MARCHF4: variants seen among roughly 807,000 people sequenced by gnomAD.
MARCHF4 encodes membrane associated ring-CH-type finger 4.
Under a neutral mutation model 43.9 loss-of-function variants are expected in MARCHF4, and 14 were observed. That is an observed-to-expected ratio of 0.32 (90% CI 0.21 to 0.50). The LOEUF is 0.50. Ranked by LOEUF, MARCHF4 falls within the 20% of genes least tolerant of loss-of-function variation. The pLI, the probability that MARCHF4 is intolerant of heterozygous loss-of-function variation, is 0.98. For missense variants in MARCHF4, 468 were observed against 536.7 expected (o/e 0.87, Z 1.27); for synonymous variants, 226 against 213.3 (o/e 1.06, Z -0.52).
At chr2:216,314,861 A>G (rs1691748677) in intron 1 of MARCHF4, among the ~76,000 whole-genome samples, 1 of 152,172 alleles carries the variant, frequency 6.6e-6, no homozygotes, top group African/African-American at 2.4e-5. Flanking sequence ...ACAGAGCTAG[A>G]AAGAAAACAC....
Position 216,258,622 on chromosome 2 carries a change from A to G in MARCHF4, c.*690T>C, listed in dbSNP as rs1164444672. On this transcript the variant is annotated 3_prime_UTR_variant, in exon 4 of 4. Coordinates refer to ENST00000273067, the MANE Select transcript of MARCHF4 (RefSeq NM_020814.3). ...AGAAGGACACCCTTTTCCAAACCTA[A>G]GCCCTCTTTTAGCCCACCTGAAATC... 2 of 152,236 alleles carry G rather than the reference A, an allele frequency of 1.3e-5. No individual in the cohort carries two copies. The highest frequency in any genetic ancestry group is 4.8e-5 in the African/African-American group (2 of 41,268). The allele number at this position is 152,236 out of a possible 1,614,324, so 9.4% of individuals were successfully genotyped here. A position where few individuals can be genotyped will look rare whatever the true frequency, so the allele number is the denominator to read the frequency against.
chr2:216,357,969 C>T (rs985550464), intron 1 of MARCHF4, among the ~76,000 whole-genome samples: 2 of 152,174 alleles, frequency 1.3e-5, no homozygotes, highest in Admixed American at 6.5e-5. Flanking sequence ...CATACACAGT[C>T]CAAGGCAGAA....
chr2:216,361,290 C>G (rs907878151), intron 1 of MARCHF4, among the ~76,000 whole-genome samples: 1 of 152,066 alleles, frequency 6.6e-6, no homozygotes, highest in Admixed American at 6.6e-5. Context: ...TAAGAGCAAA[C>G]TGAAAAGGGA....
chr2:216,325,285 A>G (rs1691970363), intron 1 of MARCHF4, among the ~76,000 whole-genome samples: 1 of 152,212 alleles, frequency 6.6e-6, no homozygotes, highest in South Asian at 2.1e-4. Flanking sequence ...TTCAAGGAGA[A>G]CTACAAACCA....
At chr2:216,282,788 A>G (rs934844347) in intron 2 of MARCHF4, among the ~76,000 whole-genome samples, 2 of 152,120 alleles carry the variant, frequency 1.3e-5, no homozygotes, top group African/African-American at 4.8e-5. Context: ...GCAGGCCCTC[A>G]TTCCACCCTG....
chr2:216,280,470 G>C (rs144803392), intron 2 of MARCHF4, among the ~76,000 whole-genome samples: 67 of 152,248 alleles, frequency 4.4e-4, no homozygotes, highest in African/African-American at 1.5e-3. Flanking sequence ...TCAATCATGA[G>C]GACCCTCAAC....
At chr2:216,354,919 CTTTCTTTCTTTCTTTCTTT>C (rs1559106569) in intron 1 of MARCHF4, among the ~76,000 whole-genome samples, 74 of 114,850 alleles carry the variant, frequency 6.4e-4, no homozygotes, top group Admixed American at 3.1e-3. Flanking sequence ...TTCTTTCTTT[CTTTCTTTCTTTCTTTCTTT>C]CTTTCTTTCT....
chr2:216,340,749 A>C (rs1277846721), intron 1 of MARCHF4, among the ~76,000 whole-genome samples: 1 of 152,224 alleles, frequency 6.6e-6, no homozygotes, highest in African/African-American at 2.4e-5. Flanking sequence ...GTATTTCAAC[A>C]GAGAAAATAC....
rs112755418 is a variant in MARCHF4 at position 216,264,149 on chromosome 2, T to C, written c.866-4470A>G. ...ACTTTCTCCTCCGGTGTTCAAACTG[T>C]GTCTGAAATCATGCCTCGCTCAACA... On this transcript the variant is annotated intron_variant, in intron 3 of 3. Coordinates refer to ENST00000273067, the MANE Select transcript of MARCHF4 (RefSeq NM_020814.3). Among the ~76,000 whole-genome samples, 1,034 of 152,282 alleles carry C rather than the reference T, an allele frequency of 6.8e-3. 12 individuals are homozygous for C. Among genetic ancestry groups the C allele is most frequent in the African/African-American group, 0.024 (978 of 41,564 alleles).
At chr2:216,298,822 A>G (rs1334512679) in intron 1 of MARCHF4, among the ~76,000 whole-genome samples, 1 of 152,168 alleles carries the variant, frequency 6.6e-6, no homozygotes, top group Non-Finnish European at 1.5e-5. Context: ...AAAAATTCTC[A>G]TGGTGATCCA....
At chr2:216,323,053 T>C (rs764182974) in intron 1 of MARCHF4, among the ~76,000 whole-genome samples, 4 of 152,190 alleles carry the variant, frequency 2.6e-5, no homozygotes, top group Non-Finnish European at 5.9e-5. Flanking sequence ...AAGAATCCAA[T>C]GGTAATTCTC....
At chr2:216,347,837 T>TC (rs1245827495) in intron 1 of MARCHF4, among the ~76,000 whole-genome samples, 1 of 151,270 alleles carries the variant, frequency 6.6e-6, no homozygotes, top group Non-Finnish European at 1.5e-5. Flanking sequence ...TTTTTTTTTT[T>TC]TTTAACTTTT....
intron 1 of MARCHF4, among the ~76,000 whole-genome samples, chr2:216,336,782 A>T (rs1692165474): frequency 6.6e-6 from 1 of 150,616 alleles, no homozygotes; most frequent in Admixed American, 6.6e-5. Flanking sequence ...TCTGGAAAGC[A>T]ATTTGGCAAC....
chr2:216,311,563 T>C (rs1365783240), intron 1 of MARCHF4, among the ~76,000 whole-genome samples: 1 of 152,208 alleles, frequency 6.6e-6, no homozygotes, highest in Non-Finnish European at 1.5e-5. Context: ...CGGCCGTAAA[T>C]CATGTCTTTA....
chr2:216,296,614 C>T (rs571045064), intron 1 of MARCHF4, among the ~76,000 whole-genome samples: 1 of 152,238 alleles, frequency 6.6e-6, no homozygotes, highest in South Asian at 2.1e-4. Context: ...GTAAAATGAT[C>T]TGCATTTTAA....
chr2:216,276,565 T>C (rs1691025356), intron 3 of MARCHF4, among the ~76,000 whole-genome samples: 1 of 152,210 alleles, frequency 6.6e-6, no homozygotes, highest in Admixed American at 6.5e-5. Context: ...TCTCCAGGCT[T>C]TTCTGATCCC....
At chr2:216,350,704 T>C (rs1013248963) in intron 1 of MARCHF4, among the ~76,000 whole-genome samples, 3 of 152,212 alleles carry the variant, frequency 2.0e-5, no homozygotes, top group Non-Finnish European at 4.4e-5. Context: ...CTCTGACTCA[T>C]GCAATCTAAG....
chr2:216,330,684 A>T (rs149979713), intron 1 of MARCHF4, among the ~76,000 whole-genome samples: 3 of 152,320 alleles, frequency 2.0e-5, no homozygotes, highest in Admixed American at 1.3e-4. Context: ...TGAGTATGTT[A>T]ACTTAAACTA....
intron 1 of MARCHF4, among the ~76,000 whole-genome samples, chr2:216,368,444 A>G (rs979804265): frequency 2.6e-5 from 4 of 152,220 alleles, no homozygotes; most frequent in South Asian, 2.1e-4. Context: ...CCTCTCAGAG[A>G]CATTTATTCA....
Sources: gnomAD v4.1 joint callset for allele counts (sites outside exome capture counted in the v4.1 genomes callset) on GRCh38, gnomAD v4.1.1 for gene constraint, MANE v1.5 for transcripts, NCBI Gene and HGNC (gene_info 2026-07-23, HGNC 2026-07-21) for gene names.